The following NUBPL variants were observed in gnomAD, a reference collection of about 807,000 sequenced individuals.
The protein encoded by NUBPL is NUBP iron-sulfur cluster assembly factor, mitochondrial, also known as iron-sulfur cluster transfer protein NUBPL.
NUBPL carries 31 observed loss-of-function variants against 45.7 expected under a neutral mutation model. That is an observed-to-expected ratio of 0.68 (90% CI 0.51 to 0.92). The LOEUF (loss-of-function observed/expected upper bound fraction) is 0.92. NUBPL is among the 40% of genes least tolerant of loss of function. NUBPL has a pLI of 0.00. For synonymous variants in NUBPL, 144 were observed against 140.9 expected, an observed-to-expected ratio of 1.02 and a Z score of -0.15; for missense variants, 401 against 398.7, an observed-to-expected ratio of 1.01 and a Z score of -0.05.
rs1248494761 is a variant in NUBPL at position 31,859,159 on chromosome 14, A to T, written c.939A>T (p.Arg313Ser). 3.1e-6 allele frequency: 5 copies of T among 1,613,956 alleles called. No homozygotes were observed. Among genetic ancestry groups the T allele is most frequent in the Non-Finnish European group, 4.2e-6 (5 of 1,179,888 alleles). Residue 313 changes from arginine (R) to serine (S), a missense_variant, in exon 11 of 11, where the codon AGA becomes AGT. Physicochemically the swap from Arg to Ser is moderately radical, Grantham distance 110. Transcript: ENST00000281081. ...YLRIAVEVVR[R>S]LPSPSE ...GGATTGCTGTGGAAGTGGTAAGAAG[A>T]TTGCCATCACCTTCAGAATGATTCC...
At chr14:31,777,641 C>T (rs1263441072) in intron 6 of NUBPL, among the ~76,000 whole-genome samples, 3 of 152,182 alleles carry the variant, frequency 2.0e-5, no homozygotes, top group Admixed American at 6.5e-5. Context: ...CAGCTGAAAA[C>T]GTCTGGACAT....
chr14:31,748,962 T>C (rs2082166), intron 6 of NUBPL, among the ~76,000 whole-genome samples: 151,648 of 152,278 alleles, frequency 1, 75,514 homozygotes, highest in Middle Eastern at 1. Flanking sequence ...GCATCCCATA[T>C]CTTTAAGTCT....
chr14:31,802,287 T>TC (rs2039605639), intron 7 of NUBPL, among the ~76,000 whole-genome samples: 4 of 936 alleles, frequency 4.3e-3, no homozygotes, highest in Non-Finnish European at 0.019. Flanking sequence ...TTCTTCTTCT[T>TC]TTTTTTTTTG....
chr14:31,773,310 G>A (rs1011556174), intron 6 of NUBPL, among the ~76,000 whole-genome samples: 1 of 152,088 alleles, frequency 6.6e-6, no homozygotes, highest in African/African-American at 2.4e-5. Context: ...GCCTCACATG[G>A]CAAAAATTTT....
intron 4 of NUBPL, among the ~76,000 whole-genome samples, chr14:31,640,939 C>G (rs1010288544): frequency 1.5e-5 from 2 of 136,380 alleles, no homozygotes. Context: ...GGTCTTATTT[C>G]TTTTTGTTTT....
intron 6 of NUBPL, among the ~76,000 whole-genome samples, chr14:31,682,496 TTA>T (rs1332359402): frequency 6.6e-6 from 1 of 152,222 alleles, no homozygotes; most frequent in Non-Finnish European, 1.5e-5. Flanking sequence ...ATTGGAATGC[TTA>T]GTTTATTTAC....
At chr14:31,835,591 AT>A (rs2040268254) in intron 8 of NUBPL, among the ~76,000 whole-genome samples, 2 of 152,198 alleles carry the variant, frequency 1.3e-5, no homozygotes, top group African/African-American at 4.8e-5. Flanking sequence ...ATCATTATAA[AT>A]CTTTGTTTTC....
intron 4 of NUBPL, among the ~76,000 whole-genome samples, chr14:31,619,690 G>A (rs941477554): frequency 2.0e-5 from 3 of 152,108 alleles, no homozygotes; most frequent in Non-Finnish European, 4.4e-5. Context: ...TGGGTAACCC[G>A]GCCTTTCTCT....
intron 4 of NUBPL, among the ~76,000 whole-genome samples, chr14:31,617,176 G>T (rs1426061143): frequency 6.6e-6 from 1 of 152,168 alleles, no homozygotes; most frequent in African/African-American, 2.4e-5. Flanking sequence ...ATTTTGGGCT[G>T]AGATGATGGG....
chr14:31,838,292 AAAAAAAAG>A lies in NUBPL; in HGVS notation c.694-8177_694-8170del, dbSNP rs1235582463. On this transcript the variant is annotated intron_variant, in intron 8 of 10. Transcript: ENST00000281081. ...CCTAATATCCAGCAAAAAAAAAAAA[AAAAAAAAG>A]AGAGAGACATGTACAAAAACATTCA... is the stretch of plus-strand genomic sequence containing the variant. 1.9e-4 allele frequency among the ~76,000 whole-genome samples: 27 copies of A among 143,824 alleles called. 1 individual carries two copies. Among genetic ancestry groups the A allele is most frequent in the African/African-American group, 5.6e-4 (23 of 40,786 alleles). 94.4% of individuals were successfully genotyped at this position (143,824 alleles called of 152,430 possible). A position where few individuals can be genotyped will look rare whatever the true frequency, so the allele number is the denominator to read the frequency against.
intron 4 of NUBPL, among the ~76,000 whole-genome samples, chr14:31,663,651 A>G (rs1269736748): frequency 6.6e-6 from 1 of 152,106 alleles, no homozygotes. Context: ...GCCTTGTAGT[A>G]TAGTTTGAAG....
chr14:31,793,226 T>G (rs1193343310), intron 7 of NUBPL, among the ~76,000 whole-genome samples: 1 of 152,106 alleles, frequency 6.6e-6, no homozygotes, highest in Non-Finnish European at 1.5e-5. Flanking sequence ...AAAAAAACCC[T>G]TTGTACTCAC....
chr14:31,602,193 A>G (rs181836900), intron 4 of NUBPL, among the ~76,000 whole-genome samples: 2 of 152,170 alleles, frequency 1.3e-5, no homozygotes, highest in African/African-American at 4.8e-5. Context: ...GAACAATGAG[A>G]ACACATGGAC....
rs188886234 is a variant in NUBPL at position 31,700,154 on chromosome 14, G to T, written c.513+26580G>T. Among the ~76,000 whole-genome samples the T allele has an allele frequency of 3.3e-5, 5 of 152,238 alleles. No homozygotes were observed. The East Asian group carries it at 9.7e-4, about 29-fold the overall frequency. On this transcript the variant is annotated intron_variant, in intron 6 of 10. Coordinates refer to ENST00000281081, the MANE Select transcript of NUBPL (RefSeq NM_025152.3). The stretch of plus-strand genomic sequence containing the variant: ...TTGGGCTTAATTACATTTCACTGAG[G>T]TACAATGGCATTTCCCAGTTACCCA...
chr14:31,647,725 A>C (rs935076001), intron 4 of NUBPL, among the ~76,000 whole-genome samples: 1 of 152,184 alleles, frequency 6.6e-6, no homozygotes, highest in Non-Finnish European at 1.5e-5. Flanking sequence ...TTAGGCGTTC[A>C]TGATGCTTCC....
intron 6 of NUBPL, among the ~76,000 whole-genome samples, chr14:31,679,860 T>G (rs1006403436): frequency 3.3e-5 from 5 of 152,182 alleles, no homozygotes; most frequent in Non-Finnish European, 7.4e-5. Context: ...CAACATTGAG[T>G]CTTCTAATCT....
chr14:31,641,785 A>T (rs1230216820), intron 4 of NUBPL, among the ~76,000 whole-genome samples: 3 of 152,196 alleles, frequency 2.0e-5, no homozygotes, highest in Non-Finnish European at 4.4e-5. Context: ...GTGCTAATTT[A>T]CATTCCTACC....
intron 4 of NUBPL, among the ~76,000 whole-genome samples, chr14:31,671,194 A>G (rs2036561638): frequency 2.6e-5 from 4 of 151,840 alleles, no homozygotes; most frequent in Admixed American, 2.6e-4. Flanking sequence ...TCACCTCCCT[A>G]GTTAGTTAGA....
At chr14:31,845,739 G>A (rs2040442056) in intron 8 of NUBPL, 1 of 152,524 alleles carries the variant, frequency 6.6e-6, no homozygotes, top group East Asian at 1.9e-4. Context: ...TACATTTAAA[G>A]TACTTAACCC....
Sources: gnomAD v4.1 joint callset for allele counts (sites outside exome capture counted in the v4.1 genomes callset) on GRCh38, gnomAD v4.1.1 for gene constraint, MANE v1.5 for transcripts, NCBI Gene and HGNC (gene_info 2026-07-23, HGNC 2026-07-21) for gene names.